ADAM10: variants seen among roughly 807,000 people sequenced by gnomAD.
The protein encoded by ADAM10 is ADAM metallopeptidase domain 10.
In ADAM10, 17 loss-of-function variants were observed where a neutral mutation model predicts 90.1. That is an observed-to-expected ratio of 0.19 (90% confidence interval 0.13 to 0.28). The LOEUF (loss-of-function observed/expected upper bound fraction) is 0.28, where lower values mean the gene tolerates loss of function less well. Among genes scored for constraint, ADAM10 ranks in the 10% least tolerant of loss-of-function variants. The probability of loss-of-function intolerance (pLI) is 1.00; values close to 1 mark genes in which losing one functional copy is unlikely to be tolerated. For synonymous variants in ADAM10, 310 were observed against 298.6 expected, an observed-to-expected ratio of 1.04 and a Z score of -0.40; for missense variants, 610 against 914.3, an observed-to-expected ratio of 0.67 and a Z score of 4.29.
At chr15:58,707,611 C>T (rs186498285) in intron 2 of ADAM10, among the ~76,000 whole-genome samples, 49 of 152,080 alleles carry the variant, frequency 3.2e-4, no homozygotes, top group Admixed American at 2.9e-3. Context: ...AAAGGAGGGC[C>T]AATGGAAAGA....
chr15:58,611,884 G>A lies in ADAM10; in HGVS notation c.1619C>T (p.Thr540Ile), dbSNP rs1566966781. Residue 540 changes from threonine (T) to isoleucine (I), a missense_variant, in exon 12 of 16, where the codon ACA (threonine) becomes ATA (isoleucine). Physicochemically the swap from Thr to Ile is moderately conservative, Grantham distance 89 (BLOSUM62 -1). Around this residue, in one of 4 missense-constraint regions of ADAM10, gnomAD observed 150 missense variants for 268.5 expected, o/e 0.56. Coordinates refer to ENST00000260408, the MANE Select transcript of ADAM10 (RefSeq NM_001110.4). ...AGGGTCAGATGCTGGGCAGAGAGCT[G>A]TGAAGCCATTACATATTCCTTCCCT... ...CAREGICNGF[T>I]ALCPASDPKP... The A allele has an allele frequency of 6.2e-7, 1 of 1,614,180 alleles. No individual in the cohort carries two copies. Among genetic ancestry groups the A allele is most frequent in the East Asian group, 2.2e-5 (1 of 44,878 alleles).
chr15:58,671,341 T>C (rs1432892938), intron 4 of ADAM10, among the ~76,000 whole-genome samples: 1 of 152,214 alleles, frequency 6.6e-6, no homozygotes, highest in Non-Finnish European at 1.5e-5. Context: ...GAATATAACA[T>C]GTCTTTAATA....
intron 1 of ADAM10, among the ~76,000 whole-genome samples, chr15:58,733,396 C>T (rs12439231): frequency 0.14 from 21,195 of 152,102 alleles, 1,747 homozygotes; most frequent in South Asian, 0.32. Flanking sequence ...CTGTGGATTT[C>T]CAGAGGTCCC....
chr15:58,669,764 T>C (rs1897153778), intron 4 of ADAM10, among the ~76,000 whole-genome samples: 1 of 152,192 alleles, frequency 6.6e-6, no homozygotes, highest in Admixed American at 6.5e-5. Flanking sequence ...CAAATCATGG[T>C]ATCCACACAA....
intron 14 of ADAM10, among the ~76,000 whole-genome samples, chr15:58,603,288 A>G (rs372842945): frequency 4.0e-4 from 61 of 152,276 alleles, no homozygotes; most frequent in African/African-American, 1.4e-3. Flanking sequence ...GGCCACCCTC[A>G]GTCTGTCAAA....
At position 58,646,087 on chromosome 15, in the gene ADAM10, A is replaced by G. The variant is rs771263646; in HGVS notation, c.703T>C (p.Tyr235His). The change falls in exon 6 of 16, where the codon TAT (tyrosine) becomes CAT (histidine). Residue 235 changes from tyrosine to histidine, a missense_variant. Around this residue, in one of 4 missense-constraint regions of ADAM10, gnomAD observed 310 missense variants for 362.4 expected, o/e 0.86. Transcript: ENST00000260408. ...ATCACAGCTTCTCGTGTTCCGTAAT[A>G]TTTAAAGAACAAATGATCAGTCTGA... is the stretch of plus-strand genomic sequence containing the variant. ...YIQTDHLFFK[Y>H]YGTREAVIAQ... is the part of the protein sequence containing the mutation. 1.9e-6 allele frequency: 3 copies of G among 1,613,608 alleles called. No homozygotes were observed. The Admixed American group carries it at 5.0e-5, about 27-fold the overall frequency.
chr15:58,725,723 A>G (rs1183828218), intron 1 of ADAM10, among the ~76,000 whole-genome samples: 3 of 152,130 alleles, frequency 2.0e-5, no homozygotes, highest in Non-Finnish European at 4.4e-5. Context: ...TAAAACTGAC[A>G]GCACACTCTA....
intron 2 of ADAM10, among the ~76,000 whole-genome samples, chr15:58,698,805 A>C (rs1279871584): frequency 6.6e-6 from 1 of 152,158 alleles, no homozygotes; most frequent in Non-Finnish European, 1.5e-5. Context: ...AGACACTATA[A>C]AGTGACCAAA....
At chr15:58,655,612 A>T (rs1896787817) in intron 5 of ADAM10, among the ~76,000 whole-genome samples, 1 of 146,712 alleles carries the variant, frequency 6.8e-6, no homozygotes, top group Non-Finnish European at 1.5e-5. Context: ...ATTAATATAT[A>T]TTTACAGTTG....
intron 2 of ADAM10, among the ~76,000 whole-genome samples, chr15:58,690,594 T>C (rs1897750798): frequency 6.6e-6 from 1 of 152,202 alleles, no homozygotes; most frequent in South Asian, 2.1e-4. Context: ...GATGCCCTTG[T>C]TTCCTGCCTT....
intron 4 of ADAM10, chr15:58,676,134 G>C (rs1596056748): frequency 3.1e-6 from 1 of 326,530 alleles, no homozygotes; most frequent in African/African-American, 2.2e-5. Flanking sequence ...TGATTTTAGA[G>C]AGGCTTACAG....
intron 1 of ADAM10, chr15:58,748,901 A>C: frequency 2.5e-6 from 1 of 398,896 alleles, no homozygotes; most frequent in East Asian, 3.6e-5. Context: ...CCCTCTGCAG[A>C]ATGGGGTCGG....
chr15:58,718,320 A>G (rs1898731692), intron 1 of ADAM10, among the ~76,000 whole-genome samples: 2 of 152,266 alleles, frequency 1.3e-5, no homozygotes, highest in South Asian at 4.1e-4. Context: ...CGTTAAGCCA[A>G]CCTTGCATTA....
At chr15:58,734,337 T>C (rs74587041) in intron 1 of ADAM10, among the ~76,000 whole-genome samples, 1 of 151,944 alleles carries the variant, frequency 6.6e-6, no homozygotes, top group Non-Finnish European at 1.5e-5. Context: ...AAAACTGAGG[T>C]TTGAGTGATA....
chr15:58,699,288 G>A lies in ADAM10; in HGVS notation c.207-16974C>T, dbSNP rs377046142. Among the ~76,000 whole-genome samples the A allele has an allele frequency of 3.9e-5, 6 of 152,158 alleles. No individual in the cohort carries two copies. In the East Asian group the frequency reaches 1.2e-3, roughly 29 times the overall value. On this transcript the variant is annotated intron_variant, in intron 2 of 15. Coordinates refer to ENST00000260408, the MANE Select transcript of ADAM10 (RefSeq NM_001110.4). ...CAACTAGACCAACTGTACAAGAAAT[G>A]CTCAAAGGAATTCTGCATCTGGAAG...
At chr15:58,687,833 G>A (rs1373174091) in intron 2 of ADAM10, among the ~76,000 whole-genome samples, 2 of 152,114 alleles carry the variant, frequency 1.3e-5, no homozygotes, top group Non-Finnish European at 2.9e-5. Context: ...CGATTCATGC[G>A]ACAATCATGA....
At chr15:58,647,277 T>TTTTTTTTTTTTTTTTTTC (rs1896576512) in intron 5 of ADAM10, among the ~76,000 whole-genome samples, 1 of 115,724 alleles carries the variant, frequency 8.6e-6, no homozygotes, top group Non-Finnish European at 1.7e-5. Context: ...TTTTTTTTTT[T>TTTTTTTTTTTTTTTTTTC]TGAGACAGAG....
At chr15:58,745,850 C>T (rs1445264886) in intron 1 of ADAM10, among the ~76,000 whole-genome samples, 11 of 152,192 alleles carry the variant, frequency 7.2e-5, no homozygotes, top group Admixed American at 7.2e-4. Flanking sequence ...TACTGCTCAG[C>T]TCTGCACAAT....
intron 1 of ADAM10, among the ~76,000 whole-genome samples, chr15:58,719,047 G>C (rs142180576): frequency 2.0e-5 from 3 of 152,274 alleles, no homozygotes; most frequent in Non-Finnish European, 4.4e-5. Flanking sequence ...TGTTTCGCTG[G>C]GCGTGGTGGC....
Sources: gnomAD v4.1 joint callset for allele counts (sites outside exome capture counted in the v4.1 genomes callset) on GRCh38, gnomAD v4.1.1 for gene constraint, gnomAD v4.1.1 regional missense constraint, MANE v1.5 for transcripts, NCBI Gene and HGNC (gene_info 2026-07-23, HGNC 2026-07-21) for gene names.